The following ENO4 variants were observed in gnomAD, a reference collection of about 807,000 sequenced individuals.
ENO4 encodes the protein enolase 4.
A neutral mutation model predicts 63.2 loss-of-function variants in ENO4; 53 were observed. That is an observed-to-expected ratio of 0.84 (90% CI 0.67 to 1.05). ENO4 has a LOEUF of 1.05. Among genes scored for constraint, ENO4 ranks in the 50% least tolerant of loss-of-function variants. The probability of loss-of-function intolerance (pLI) is 0.00; values close to 1 mark genes in which losing one functional copy is unlikely to be tolerated. For synonymous variants in ENO4, 266 were observed against 283.8 expected, an observed-to-expected ratio of 0.94 and a Z score of 0.63; for missense variants, 719 against 772.0, an observed-to-expected ratio of 0.93 and a Z score of 0.81.
Position 116,861,167 on chromosome 10 carries a change from C to T in ENO4, c.913C>T (p.His305Tyr). 1 of 1,518,686 alleles carries T rather than the reference C, an allele frequency of 6.6e-7. No individual in the cohort carries two copies. Among genetic ancestry groups the T allele is most frequent in the Non-Finnish European group, 8.9e-7 (1 of 1,127,922 alleles). The allele number at this position is 1,518,686 out of a possible 1,614,324, so 94.1% of individuals were successfully genotyped here. A position where few individuals can be genotyped will look rare whatever the true frequency, so the allele number is the denominator to read the frequency against. Residue 305 changes from histidine (H) to tyrosine (Y), a missense_variant, in exon 6 of 14, where the codon CAT (histidine) becomes TAT (tyrosine). Around this residue, in one of 3 missense-constraint regions of ENO4, gnomAD observed 544 missense variants for 583.6 expected, o/e 0.93. Coordinates refer to ENST00000341276, the MANE Select transcript of ENO4 (RefSeq NM_001242699.2). ...AATGAAAGAAGTGATTTGTATACCC[C>T]ATCCTGAATTAACAACCAAACAAGT... is the stretch of plus-strand genomic sequence containing the variant. ...NLMKEVICIP[H>Y]PELTTKQGVE...
chr10:116,906,471 T>C (rs1275279081), intron 10 of ENO4, among the ~76,000 whole-genome samples: 2 of 152,242 alleles, frequency 1.3e-5, no homozygotes, highest in African/African-American at 4.8e-5. Flanking sequence ...TTATGAGATA[T>C]CCATAAATAT....
intron 4 of ENO4, 39 bp downstream of exon 4, chr10:116,859,177 A>G: frequency 6.7e-7 from 1 of 1,487,120 alleles, no homozygotes; most frequent in Non-Finnish European, 8.9e-7. Context: ...GTTAGTAACA[A>G]ATGTGTGAGG....
intron 10 of ENO4, chr10:116,901,980 A>G: frequency 6.4e-7 from 1 of 1,555,318 alleles, no homozygotes. Context: ...CACATACCTC[A>G]AGTTTAATAA....
intron 10 of ENO4, among the ~76,000 whole-genome samples, chr10:116,888,585 A>T (rs1847236333): frequency 6.6e-6 from 1 of 152,184 alleles, no homozygotes; most frequent in East Asian, 1.9e-4. Context: ...TGATGATGCA[A>T]GACAATCTGC....
chr10:116,912,203 C>T (rs1848226039), downstream of ENO4, among the ~76,000 whole-genome samples: 1 of 152,210 alleles, frequency 6.6e-6, no homozygotes, highest in South Asian at 2.1e-4. Context: ...AAACTGTCCT[C>T]TACCTGCATT....
chr10:116,861,191 G>T lies in ENO4; in HGVS notation c.936+1G>T. 1 of 1,315,714 alleles carries T rather than the reference G, an allele frequency of 7.6e-7. No individual in the cohort carries two copies. Among genetic ancestry groups the T allele is most frequent in the Middle Eastern group, 1.9e-4 (1 of 5,170 alleles). 81.5% of individuals were successfully genotyped at this position (1,315,714 alleles called of 1,614,324 possible). On this transcript the variant is annotated splice_donor_variant, in intron 6 of 13. Transcript: ENST00000341276. LOFTEE classifies it high-confidence loss of function. Reference sequence around the variant, plus strand: ...CCATCCTGAATTAACAACCAAACAAGTACCTTACATTATCTTAAATTACCT... The same window carrying T: ...CCATCCTGAATTAACAACCAAACAATTACCTTACATTATCTTAAATTACCT...
intron 10 of ENO4, among the ~76,000 whole-genome samples, chr10:116,889,517 G>A (rs1847268774): frequency 6.6e-6 from 1 of 152,158 alleles, no homozygotes. Flanking sequence ...AATCCCAGTG[G>A]AAGGTGGAAA....
chr10:116,866,585 G>A (rs1218518181), intron 7 of ENO4, among the ~76,000 whole-genome samples: 1 of 152,130 alleles, frequency 6.6e-6, no homozygotes, highest in East Asian at 1.9e-4. Flanking sequence ...GCACTTTTGG[G>A]AGGCTGAGGT....
At chr10:116,907,919 C>T in intron 10 of ENO4, 1 of 517,866 alleles carries the variant, frequency 1.9e-6, no homozygotes, top group Non-Finnish European at 3.9e-6. Context: ...CTGCCAACTA[C>T]CTGAAGGATT....
chr10:116,861,056 C>A lies in ENO4; in HGVS notation c.805-3C>A. On this transcript the variant is annotated splice_polypyrimidine_tract_variant and splice_region_variant and intron_variant, in intron 5 of 13. Coordinates refer to ENST00000341276, the MANE Select transcript of ENO4 (RefSeq NM_001242699.2). ...ATTTTCCCTCGTTTTCCCCCTATTT[C>A]AGGAACAGCCAACAACGCTATCTAT... 1 of 1,548,414 alleles carries A rather than the reference C, an allele frequency of 6.5e-7. No individual in the cohort carries two copies. The highest frequency in any genetic ancestry group is 8.7e-7 in the Non-Finnish European group (1 of 1,146,056).
intron 1 of ENO4, chr10:116,850,053 A>C (rs986046226): frequency 2.0e-6 from 1 of 502,976 alleles, no homozygotes; most frequent in Non-Finnish European, 3.6e-6. Flanking sequence ...GGGCCGGCCC[A>C]CCGCCCATGC....
chr10:116,911,460 G>C, intron 10 of ENO4: 1 of 1,547,738 alleles, frequency 6.5e-7, no homozygotes, highest in African/African-American at 1.4e-5. Flanking sequence ...TTATATTTCT[G>C]TTTTTCATCA....
At chr10:116,904,860 A>C (rs1847898543) in intron 10 of ENO4, among the ~76,000 whole-genome samples, 1 of 152,234 alleles carries the variant, frequency 6.6e-6, no homozygotes, top group African/African-American at 2.4e-5. Flanking sequence ...CAAAACACAA[A>C]ATGTGAACGA....
chr10:116,866,639 C>T (rs375376469), intron 7 of ENO4, among the ~76,000 whole-genome samples: 1 of 151,988 alleles, frequency 6.6e-6, no homozygotes, highest in Non-Finnish European at 1.5e-5. Flanking sequence ...CATAGCGAGA[C>T]CTTGTCTCCA....
chr10:116,850,430 C>T (rs1174770382), intron 1 of ENO4, among the ~76,000 whole-genome samples: 3 of 152,018 alleles, frequency 2.0e-5, no homozygotes, highest in Non-Finnish European at 4.4e-5. Flanking sequence ...TCTGCCCAGC[C>T]CTGAGATCTG....
At chr10:116,907,116 G>A (rs1848000013) in intron 10 of ENO4, among the ~76,000 whole-genome samples, 1 of 152,170 alleles carries the variant, frequency 6.6e-6, no homozygotes, top group Non-Finnish European at 1.5e-5. Flanking sequence ...CACCTTAGAA[G>A]GAAATCTTTA....
rs1029997587 is a variant in ENO4 at position 116,879,473 on chromosome 10, C to T, written c.1605+115C>T. The stretch of plus-strand genomic sequence containing the variant: ...TGTAACCTTTTATGAAATAGACTTG[C>T]TTCCTCCCAGATAGCTACCTTTTGC... On this transcript the variant is annotated intron_variant, in intron 12 of 13. Transcript: ENST00000341276. 14 of 773,272 alleles carry T rather than the reference C, an allele frequency of 1.8e-5. No individual in the cohort carries two copies. In the Admixed American group the frequency reaches 2.2e-4, roughly 12 times the overall value. The allele number at this position is 773,272 out of a possible 1,614,324, so 47.9% of individuals were successfully genotyped here.
intron 4 of ENO4, among the ~76,000 whole-genome samples, chr10:116,859,871 G>A (rs1283246175): frequency 6.6e-6 from 1 of 152,166 alleles, no homozygotes; most frequent in East Asian, 1.9e-4. Context: ...AGGGAGGCAG[G>A]GTACCTTATT....
chr10:116,849,848 C>A, intron 1 of ENO4, 117 bp downstream of exon 1: 1 of 1,204,180 alleles, frequency 8.3e-7, no homozygotes, highest in Non-Finnish European at 1.2e-6. Flanking sequence ...GCCGCCCGGG[C>A]CCTGGGCCTG....
Sources: gnomAD v4.1 joint callset for allele counts (sites outside exome capture counted in the v4.1 genomes callset) on GRCh38, gnomAD v4.1.1 for gene constraint, gnomAD v4.1.1 regional missense constraint, MANE v1.5 for transcripts, NCBI Gene and HGNC (gene_info 2026-07-23, HGNC 2026-07-21) for gene names.